The following COL25A1 variants were observed in gnomAD, a reference collection of about 807,000 sequenced individuals.
COL25A1 encodes collagen alpha-1(XXV) chain.
In COL25A1, 103 loss-of-function variants were observed where a neutral mutation model predicts 128.4. The observed-to-expected ratio is 0.80, with a 90% confidence interval of 0.68 to 0.94. The LOEUF (loss-of-function observed/expected upper bound fraction) is 0.94. COL25A1 is among the 40% of genes least tolerant of loss of function. The pLI is 0.00. For synonymous variants in COL25A1, 279 were observed against 277.2 expected, an observed-to-expected ratio of 1.01 and a Z score of -0.06; for missense variants, 745 against 840.0, an observed-to-expected ratio of 0.89 and a Z score of 1.40.
intron 3 of COL25A1, among the ~76,000 whole-genome samples, chr4:109,052,332 T>C (rs1245405645): frequency 1.3e-5 from 2 of 152,184 alleles, no homozygotes; most frequent in South Asian, 2.1e-4. Context: ...AATCAAATGC[T>C]GTGGAAAATC....
chr4:109,228,015 G>T (rs892088980), intron 3 of COL25A1, among the ~76,000 whole-genome samples: 1 of 152,176 alleles, frequency 6.6e-6, no homozygotes, highest in Admixed American at 6.5e-5. Flanking sequence ...ATAAGTCCTG[G>T]AGTCCAAAGG....
In COL25A1 at chr4:108,845,270, C is replaced by A; in HGVS notation, c.1516-19G>T. The A allele has an allele frequency of 6.3e-7, 1 of 1,596,922 alleles. No individual in the cohort carries two copies. The highest frequency in any genetic ancestry group is 1.3e-5 in the African/African-American group (1 of 74,744). ...TGGCTCCCTATAAATAACCATTAAG[C>A]AGAGTTAAGCAGGTAAAGTTATTTC... On this transcript the variant is annotated intron_variant, in intron 28 of 37. Coordinates refer to ENST00000399132, the MANE Select transcript of COL25A1 (RefSeq NM_198721.4).
At chr4:108,993,457 C>A (rs9994325) in intron 6 of COL25A1, among the ~76,000 whole-genome samples, 121,050 of 152,184 alleles carry the variant, frequency 0.8, 49,327 homozygotes, top group East Asian at 1. Flanking sequence ...ACTTCCAATT[C>A]TAAAAAGCTA....
At chr4:108,853,195 A>AG (rs1381422751) in intron 24 of COL25A1, among the ~76,000 whole-genome samples, 1 of 151,962 alleles carries the variant, frequency 6.6e-6, no homozygotes, top group Non-Finnish European at 1.5e-5. Context: ...ATTGAAAAAA[A>AG]TAATGCAGTA....
chr4:109,293,418 A>G (rs1190612894), intron 3 of COL25A1, among the ~76,000 whole-genome samples: 1 of 151,964 alleles, frequency 6.6e-6, no homozygotes, highest in African/African-American at 2.4e-5. Flanking sequence ...AATAGACTTT[A>G]CCCCTTCCCT....
chr4:109,049,733 T>C (rs1760805792), intron 4 of COL25A1, among the ~76,000 whole-genome samples: 1 of 152,216 alleles, frequency 6.6e-6, no homozygotes, highest in African/African-American at 2.4e-5. Flanking sequence ...TGTGCCCTAG[T>C]GTCCCAAGGC....
At chr4:109,174,941 T>A (rs184907070) in intron 3 of COL25A1, among the ~76,000 whole-genome samples, 1 of 152,182 alleles carries the variant, frequency 6.6e-6, no homozygotes, top group Non-Finnish European at 1.5e-5. Context: ...GCAGTGGTAG[T>A]AGATTCTCAT....
At chr4:108,861,046 T>C in intron 22 of COL25A1, 75 bp from the exon 23 acceptor site, 1 of 1,280,900 alleles carries the variant, frequency 7.8e-7, no homozygotes, top group Non-Finnish European at 1.1e-6. Context: ...AACATGTTTA[T>C]GCCATACAGA....
At position 108,884,212 on chromosome 4, in the gene COL25A1, C is replaced by T. The variant is rs780289768; in HGVS notation, c.986G>A (p.Gly329Glu). 4 of 1,613,310 alleles carry T rather than the reference C, an allele frequency of 2.5e-6. No individual in the cohort carries two copies. Among genetic ancestry groups the T allele is most frequent in the Non-Finnish European group, 8.5e-7 (1 of 1,179,632 alleles). ...SGRPGQKGEPGLPGLPGLPGI... is the reference protein window; with the variant it reads ...SGRPGQKGEPELPGLPGLPGI... ...CGGAAGTCCAGGAAGCCCAGGAAGC[C>T]CTGGTTCACCCTACACAGGAAAATC... The change falls in exon 19 of 38, where the codon GGG (glycine) becomes GAG (glutamate). Residue 329 changes from glycine (G) to glutamate (E), a missense_variant. By Grantham distance (98) the Gly-to-Glu change is moderately conservative. Coordinates refer to ENST00000399132, the MANE Select transcript of COL25A1 (RefSeq NM_198721.4).
chr4:108,880,597 T>G (rs1423156196), intron 19 of COL25A1, among the ~76,000 whole-genome samples: 1 of 152,172 alleles, frequency 6.6e-6, no homozygotes, highest in East Asian at 1.9e-4. Flanking sequence ...TTTTAGGAAC[T>G]TTACATGTAT....
At chr4:109,124,443 C>G (rs987061964) in intron 3 of COL25A1, among the ~76,000 whole-genome samples, 1 of 151,992 alleles carries the variant, frequency 6.6e-6, no homozygotes, top group South Asian at 2.1e-4. Flanking sequence ...GCTACAACCT[C>G]TCCTTACTAA....
chr4:108,877,095 C>A (rs550181442), intron 19 of COL25A1, among the ~76,000 whole-genome samples: 1 of 152,128 alleles, frequency 6.6e-6, no homozygotes, highest in African/African-American at 2.4e-5. Context: ...TGGGAGCAGC[C>A]GCAAGCTGAA....
At chr4:109,036,255 T>C (rs149701280) in intron 5 of COL25A1, among the ~76,000 whole-genome samples, 1 of 152,238 alleles carries the variant, frequency 6.6e-6, no homozygotes, top group East Asian at 1.9e-4. Flanking sequence ...AGGATTTTTT[T>C]TTCCCCTCTA....
chr4:109,159,441 T>A (rs979799855), intron 3 of COL25A1, among the ~76,000 whole-genome samples: 6 of 152,098 alleles, frequency 3.9e-5, no homozygotes, highest in African/African-American at 1.4e-4. Context: ...CGTATAAGAA[T>A]ACACATGACA....
At chr4:109,199,296 T>C (rs1290777143) in intron 3 of COL25A1, among the ~76,000 whole-genome samples, 1 of 152,102 alleles carries the variant, frequency 6.6e-6, no homozygotes, top group African/African-American at 2.4e-5. Flanking sequence ...TGGTACAGAA[T>C]TGGAATTACA....
intron 8 of COL25A1, among the ~76,000 whole-genome samples, chr4:108,956,450 G>T (rs1056831781): frequency 2.0e-5 from 3 of 152,146 alleles, no homozygotes; most frequent in Non-Finnish European, 4.4e-5. Flanking sequence ...TTACCTCCCA[G>T]ACTGGAGTGC....
At chr4:109,298,074 T>C (rs1300532339) in intron 3 of COL25A1, among the ~76,000 whole-genome samples, 1 of 151,978 alleles carries the variant, frequency 6.6e-6, no homozygotes, top group African/African-American at 2.4e-5. Context: ...TGACTTTGCC[T>C]TTACCATGTT....
chr4:109,234,499 T>A (rs554767510), intron 3 of COL25A1, among the ~76,000 whole-genome samples: 1 of 152,200 alleles, frequency 6.6e-6, no homozygotes, highest in African/African-American at 2.4e-5. Context: ...AAAAAGCTAA[T>A]CCTGCTCTCT....
chr4:109,078,724 G>A lies in COL25A1; in HGVS notation c.368-28545C>T, dbSNP rs181869141. Among the ~76,000 whole-genome samples the A allele has an allele frequency of 1.9e-4, 29 of 152,338 alleles. No individual in the cohort carries two copies. In the East Asian group the frequency reaches 5.2e-3, roughly 27 times the overall value. On this transcript the variant is annotated intron_variant, in intron 3 of 37. Transcript: ENST00000399132. Reference sequence around the variant, plus strand: ...AGGGGAAAAACTAGATGAATTGCAAGGCAGAAATCTAGCATGGACTGTGTT... The same window carrying A: ...AGGGGAAAAACTAGATGAATTGCAAAGCAGAAATCTAGCATGGACTGTGTT...
Sources: allele counts gnomAD v4.1 joint callset (sites outside exome capture counted in the v4.1 genomes callset), GRCh38; gene constraint gnomAD v4.1.1; transcripts MANE v1.5; gene names NCBI Gene and HGNC (gene_info 2026-07-23, HGNC 2026-07-21).